The following AIG1 variants were observed in gnomAD, a reference collection of about 807,000 sequenced individuals.
AIG1 encodes the protein androgen-induced gene 1 protein.
Under a neutral mutation model 31.4 loss-of-function variants are expected in AIG1, and 23 were observed. That is an observed-to-expected ratio of 0.73 (90% CI 0.53 to 1.04). The LOEUF (loss-of-function observed/expected upper bound fraction) is 1.04, where lower values mean the gene tolerates loss of function less well. Ranked by LOEUF, AIG1 falls within the 50% of genes least tolerant of loss-of-function variation. The probability of loss-of-function intolerance (pLI) is 0.00; values close to 1 mark genes in which losing one functional copy is unlikely to be tolerated. For synonymous variants in AIG1, 100 were observed against 110.5 expected (o/e 0.90, Z 0.60); for missense variants, 274 against 295.0 (o/e 0.93, Z 0.52).
At chr6:143,090,222 T>C (rs995308681) in intron 1 of AIG1, among the ~76,000 whole-genome samples, 1 of 152,244 alleles carries the variant, frequency 6.6e-6, no homozygotes, top group Non-Finnish European at 1.5e-5. Flanking sequence ...TATCTGCTCA[T>C]CTTCTCAGTG....
intron 3 of AIG1, among the ~76,000 whole-genome samples, chr6:143,238,176 G>A (rs560666510): frequency 1.8e-4 from 28 of 152,090 alleles, no homozygotes; most frequent in Non-Finnish European, 3.1e-4. Flanking sequence ...CCTGACCTCA[G>A]GTGGTCTGCC....
At chr6:143,182,079 G>A (rs987468059) in intron 3 of AIG1, among the ~76,000 whole-genome samples, 1 of 151,858 alleles carries the variant, frequency 6.6e-6, no homozygotes, top group Non-Finnish European at 1.5e-5. Context: ...AGGCTGAAGT[G>A]CATTGGTGCA....
chr6:143,180,316 A>G (rs1788603125), intron 3 of AIG1, among the ~76,000 whole-genome samples: 1 of 152,206 alleles, frequency 6.6e-6, no homozygotes, highest in Non-Finnish European at 1.5e-5. Flanking sequence ...AAAGGTTGGA[A>G]ATGGCATATT....
chr6:143,132,145 T>C (rs1783297875), intron 1 of AIG1, among the ~76,000 whole-genome samples: 1 of 152,218 alleles, frequency 6.6e-6, no homozygotes. Context: ...TGTAGTTAAT[T>C]ATCGTTAATA....
At chr6:143,202,771 G>A (rs1790807796) in intron 3 of AIG1, among the ~76,000 whole-genome samples, 1 of 152,116 alleles carries the variant, frequency 6.6e-6, no homozygotes, top group Non-Finnish European at 1.5e-5. Flanking sequence ...TTGATTTCTA[G>A]AGCTTCACTT....
rs1385534635 is a variant in AIG1, at chr6:143,325,182, C to T, written c.516-8100C>T. On this transcript the variant is annotated intron_variant, in intron 4 of 5. Transcript: ENST00000357847. The surrounding 1 kb of genome is among the most constrained non-coding windows in gnomAD (Gnocchi z 4.3). ...AACCACTTGTCCCTTGGCTTTACAACATCACACTTTTCTATTTTGCTTCCC... is the reference window on the plus strand; with the variant it reads ...AACCACTTGTCCCTTGGCTTTACAATATCACACTTTTCTATTTTGCTTCCC... 6.6e-6 allele frequency among the ~76,000 whole-genome samples: 1 copy of T among 152,190 alleles called. No individual in the cohort carries two copies. The highest frequency in any genetic ancestry group is 2.4e-5 in the African/African-American group (1 of 41,452).
intron 5 of AIG1, chr6:143,339,019 G>T (rs1262832554): frequency 6.6e-6 from 1 of 152,148 alleles, no homozygotes; most frequent in Non-Finnish European, 1.5e-5. Context: ...GTTCTTACTG[G>T]TCCAGTACAT....
intron 3 of AIG1, among the ~76,000 whole-genome samples, chr6:143,196,943 T>C (rs182193954): frequency 6.6e-6 from 1 of 152,374 alleles, no homozygotes; most frequent in African/African-American, 2.4e-5. Context: ...GTAATTCCTC[T>C]TATTTCTGGA....
chr6:143,171,474 T>TA (rs1396760213), intron 3 of AIG1, among the ~76,000 whole-genome samples: 2 of 119,904 alleles, frequency 1.7e-5, no homozygotes, highest in African/African-American at 7.1e-5. Context: ...ATTTAATATA[T>TA]ATAATATATA....
At position 143,060,917 on chromosome 6, in the gene AIG1, C is replaced by T. The variant is rs1354942333; in HGVS notation, c.-9C>T. Reference sequence around the variant, plus strand: ...CTTGCCGCCCAGCCGGTCCAGGCCTCTGGCGAACATGGCGCTTGTCCCCTG... The same window carrying T: ...CTTGCCGCCCAGCCGGTCCAGGCCTTTGGCGAACATGGCGCTTGTCCCCTG... On this transcript the variant is annotated 5_prime_UTR_variant, in exon 1 of 6. Coordinates refer to ENST00000357847, the MANE Select transcript of AIG1 (RefSeq NM_016108.4). 2 of 1,602,634 alleles carry T rather than the reference C, an allele frequency of 1.2e-6. No individual in the cohort carries two copies. The highest frequency in any genetic ancestry group is 1.1e-5 in the South Asian group (1 of 90,588).
chr6:143,127,816 T>C (rs745688393), intron 1 of AIG1, among the ~76,000 whole-genome samples: 4 of 152,094 alleles, frequency 2.6e-5, no homozygotes, highest in Non-Finnish European at 4.4e-5. Context: ...GCCTCCCAAG[T>C]AGCTGAGATT....
At chr6:143,079,635 A>G (rs1778030010) in intron 1 of AIG1, among the ~76,000 whole-genome samples, 1 of 152,054 alleles carries the variant, frequency 6.6e-6, no homozygotes, top group South Asian at 2.1e-4. Flanking sequence ...TTTTATAAAC[A>G]TTTTTCCGTG....
At chr6:143,185,491 T>G (rs1390388772) in intron 3 of AIG1, among the ~76,000 whole-genome samples, 1 of 152,214 alleles carries the variant, frequency 6.6e-6, no homozygotes, top group Non-Finnish European at 1.5e-5. Flanking sequence ...TTCAGAACTC[T>G]GCTTATCAAC....
At chr6:143,304,943 G>C (rs1007850658) in intron 4 of AIG1, among the ~76,000 whole-genome samples, 2 of 152,108 alleles carry the variant, frequency 1.3e-5, no homozygotes, top group African/African-American at 4.8e-5. Flanking sequence ...CTTCTTCCTG[G>C]TTTAGTCCTG....
At chr6:143,314,410 A>G (rs1775561851) in intron 4 of AIG1, among the ~76,000 whole-genome samples, 1 of 152,046 alleles carries the variant, frequency 6.6e-6, no homozygotes, top group Non-Finnish European at 1.5e-5. Flanking sequence ...TATAGATGAC[A>G]TGATTATCTA....
chr6:143,336,458 C>T (rs1777500608), intron 5 of AIG1, among the ~76,000 whole-genome samples: 1 of 152,154 alleles, frequency 6.6e-6, no homozygotes, highest in Admixed American at 6.5e-5. Context: ...AGTCCAGTCT[C>T]CAAATTTCCC....
At chr6:143,110,808 G>A (rs1304871833) in intron 1 of AIG1, among the ~76,000 whole-genome samples, 2 of 152,100 alleles carry the variant, frequency 1.3e-5, no homozygotes, top group South Asian at 2.1e-4. Context: ...AGAGTATATC[G>A]AGAAGCAGAC....
chr6:143,061,148 G>T (rs1227943183), intron 1 of AIG1, 82 bp downstream of exon 1: 6 of 1,452,000 alleles, frequency 4.1e-6, no homozygotes, highest in Non-Finnish European at 1.9e-6. Flanking sequence ...GTGTGTGTGT[G>T]GATGCGCGAG....
rs1797829111 is a variant in AIG1 at position 143,288,278 on chromosome 6, G to T, written c.515+4053G>T. On this transcript the variant is annotated intron_variant, in intron 4 of 5. Coordinates refer to ENST00000357847, the MANE Select transcript of AIG1 (RefSeq NM_016108.4). This position sits in a 1 kb window ranked among gnomAD's most constrained non-coding sequence, Gnocchi z 4.4. ...GTACACCCTCAAAGCTTCAAGAATG[G>T]TCTCTCTCCTAAGGAGTCTTCTTCC... Among the ~76,000 whole-genome samples, 1 of 150,600 alleles carries T rather than the reference G, an allele frequency of 6.6e-6. No homozygotes were observed. The highest frequency in any genetic ancestry group is 2.1e-4 in the South Asian group (1 of 4,692).
Sources: allele counts gnomAD v4.1 joint callset (sites outside exome capture counted in the v4.1 genomes callset), GRCh38; gene constraint gnomAD v4.1.1; non-coding constraint Gnocchi (gnomAD v3.1); transcripts MANE v1.5; gene names NCBI Gene and HGNC (gene_info 2026-07-23, HGNC 2026-07-21).